Variants in STXBP3 observed in about 807,000 individuals in gnomAD.
STXBP3 encodes syntaxin-binding protein 3.
In STXBP3, 41 loss-of-function variants were observed where a neutral mutation model predicts 85.7. The observed-to-expected ratio is 0.48, with a 90% confidence interval of 0.37 to 0.62. STXBP3 has a LOEUF of 0.62. Ranked by LOEUF, STXBP3 falls within the 20% of genes least tolerant of loss-of-function variation. The pLI, the probability that STXBP3 is intolerant of heterozygous loss-of-function variation, is 0.00. For synonymous variants in STXBP3, 229 were observed against 231.7 expected (o/e 0.99, Z 0.10); for missense variants, 563 against 703.1 (o/e 0.80, Z 2.25).
At chr1:108,747,690 G>T (rs772162844) in intron 1 of STXBP3, among the ~76,000 whole-genome samples, 2 of 152,170 alleles carry the variant, frequency 1.3e-5, no homozygotes, top group Non-Finnish European at 2.9e-5. Context: ...AAAAACAAAT[G>T]ATTTAGTCAG....
At chr1:108,806,417 C>G (rs914606102) in intron 17 of STXBP3, among the ~76,000 whole-genome samples, 1 of 152,076 alleles carries the variant, frequency 6.6e-6, no homozygotes, top group South Asian at 2.1e-4. Flanking sequence ...CTAGAGCAAT[C>G]TGGAGGAGGA....
intron 17 of STXBP3, 46 bp downstream of exon 17, chr1:108,800,351 TA>T (rs763590901): frequency 1.4e-5 from 20 of 1,418,802 alleles, no homozygotes; most frequent in Non-Finnish European, 1.9e-5. Context: ...TTCTACGGAC[TA>T]ATAATTTAAA....
At chr1:108,790,399 CTTTT>C (rs1316917847) in intron 11 of STXBP3, among the ~76,000 whole-genome samples, 1 of 151,952 alleles carries the variant, frequency 6.6e-6, no homozygotes, top group Non-Finnish European at 1.5e-5. Context: ...TATCTTCTTT[CTTTT>C]GTTAGTGTTT....
intron 13 of STXBP3, among the ~76,000 whole-genome samples, chr1:108,795,904 T>A (rs945717802): frequency 1.2e-4 from 18 of 152,146 alleles, no homozygotes; most frequent in African/African-American, 4.3e-4. Context: ...TCGCTCTTGT[T>A]GCCCAGGCTA....
At chr1:108,796,829 C>G in intron 15 of STXBP3, 103 bp downstream of exon 15, 1 of 711,464 alleles carries the variant, frequency 1.4e-6, no homozygotes, top group Admixed American at 4.0e-5. Flanking sequence ...CTTAAGTTCA[C>G]TCTATAGATT....
chr1:108,764,884 T>C (rs1662225186), intron 6 of STXBP3, among the ~76,000 whole-genome samples: 1 of 152,256 alleles, frequency 6.6e-6, no homozygotes, highest in South Asian at 2.1e-4. Context: ...TCAGTTTAAT[T>C]AGATTTCATT....
At chr1:108,796,480 T>C (rs1026959358) in intron 14 of STXBP3, 108 bp downstream of exon 14, 12 of 1,189,752 alleles carry the variant, frequency 1.0e-5, no homozygotes, top group South Asian at 3.2e-5. Context: ...AGGGAAAATA[T>C]GAAATCGAGA....
chr1:108,755,410 A>G (rs931979645), intron 3 of STXBP3, among the ~76,000 whole-genome samples: 1 of 152,132 alleles, frequency 6.6e-6, no homozygotes, highest in Non-Finnish European at 1.5e-5. Flanking sequence ...TTGTGCCACT[A>G]CACTCCAGCC....
At chr1:108,766,054 A>C (rs922354495) in intron 6 of STXBP3, among the ~76,000 whole-genome samples, 3 of 151,698 alleles carry the variant, frequency 2.0e-5, no homozygotes, top group African/African-American at 7.3e-5. Flanking sequence ...GGGTTTCACT[A>C]TGTTGGCCAG....
At chr1:108,806,382 G>A (rs1405283203) in intron 17 of STXBP3, among the ~76,000 whole-genome samples, 1 of 152,042 alleles carries the variant, frequency 6.6e-6, no homozygotes, top group Non-Finnish European at 1.5e-5. Flanking sequence ...TGTGGCTAGT[G>A]GCTACTATAT....
intron 16 of STXBP3, among the ~76,000 whole-genome samples, 169 bp downstream of exon 16, chr1:108,798,406 C>CTTTTTTTTTTT (rs781000610): frequency 7.9e-5 from 8 of 101,576 alleles, no homozygotes; most frequent in Non-Finnish European, 9.7e-5. Flanking sequence ...GATTCTTCTT[C>CTTTTTTTTTTT]TTTTTTTTTT....
intron 17 of STXBP3, among the ~76,000 whole-genome samples, chr1:108,800,788 A>C (rs1210958506): frequency 3.3e-5 from 5 of 152,194 alleles, no homozygotes; most frequent in Non-Finnish European, 4.4e-5. Flanking sequence ...TTGTATCCTA[A>C]ACAGTGTCTT....
intron 6 of STXBP3, among the ~76,000 whole-genome samples, chr1:108,769,454 G>A (rs536836170): frequency 6.6e-6 from 1 of 152,336 alleles, no homozygotes; most frequent in Non-Finnish European, 1.5e-5. Flanking sequence ...TTTGTTTACA[G>A]TGAACCTTAG....
chr1:108,754,058 G>T (rs1167818670), intron 3 of STXBP3, among the ~76,000 whole-genome samples: 2 of 130,622 alleles, frequency 1.5e-5, no homozygotes, highest in African/African-American at 5.9e-5. Context: ...TTTGAGACAG[G>T]ATCTCACTCT....
At chr1:108,748,619 C>G (rs1332867289) in intron 1 of STXBP3, among the ~76,000 whole-genome samples, 1 of 152,064 alleles carries the variant, frequency 6.6e-6, no homozygotes. Flanking sequence ...ATTGCTTGAG[C>G]TCAGGAGTTC....
chr1:108,781,254 T>G (rs1420691259), intron 9 of STXBP3: 1 of 152,222 alleles, frequency 6.6e-6, no homozygotes, highest in East Asian at 1.9e-4. Flanking sequence ...TTTTATAGAT[T>G]GATGTGTAAT....
chr1:108,761,521 A>G (rs1662141469), intron 6 of STXBP3, among the ~76,000 whole-genome samples: 1 of 152,136 alleles, frequency 6.6e-6, no homozygotes, highest in Non-Finnish European at 1.5e-5. Context: ...TTGATGGTGA[A>G]TAGAAATAAC....
In STXBP3 at chr1:108,796,638, T is replaced by G. The variant is rs1663109528; in HGVS notation, c.1268T>G (p.Leu423Trp). The change falls in exon 15 of 19, where the codon TTG becomes TGG. Residue 423 changes from leucine to tryptophan, a missense_variant. Physicochemically the swap from Leu to Trp is moderately conservative, Grantham distance 61. Coordinates refer to ENST00000370008, the MANE Select transcript of STXBP3 (RefSeq NM_007269.4). Reference sequence around the variant, plus strand: ...ATTTAAGGAACTACGGAAGAAAATTTGGACAGGTTGATCCAGAATGTAAAG... The same window carrying G: ...ATTTAAGGAACTACGGAAGAAAATTGGGACAGGTTGATCCAGAATGTAAAG... Reference protein sequence around the residue: ...FSINGTTEENLDRLIQNVKIE... With the variant: ...FSINGTTEENWDRLIQNVKIE... 6.2e-7 allele frequency: 1 copy of G among 1,612,820 alleles called. No homozygotes were observed. Among genetic ancestry groups the G allele is most frequent in the Non-Finnish European group, 8.5e-7 (1 of 1,179,570 alleles).
chr1:108,798,172 G>T lies in STXBP3; in HGVS notation c.1384G>T (p.Asp462Tyr), dbSNP rs1468769614. The change falls in exon 16 of 19, where the codon GAT (aspartate) becomes TAT (tyrosine). Residue 462 changes from aspartate (D) to tyrosine (Y), a missense_variant. Coordinates refer to ENST00000370008, the MANE Select transcript of STXBP3 (RefSeq NM_007269.4). ...QSQQGKPLRK[D>Y]RSAEETFQLS... ...TCAACAAGGCAAACCGTTAAGAAAG[G>T]ATCGGTCTGCAGAAGAAACTTTTCA... 3.1e-6 allele frequency: 5 copies of T among 1,610,962 alleles called. No individual in the cohort carries two copies. Among genetic ancestry groups the T allele is most frequent in the South Asian group, 1.1e-5 (1 of 90,938 alleles).
Sources: gnomAD v4.1 joint callset for allele counts (sites outside exome capture counted in the v4.1 genomes callset) on GRCh38, gnomAD v4.1.1 for gene constraint, MANE v1.5 for transcripts, NCBI Gene and HGNC (gene_info 2026-07-23, HGNC 2026-07-21) for gene names.